CIMAP2: variants seen among roughly 807,000 people sequenced by gnomAD.
CIMAP2 encodes ciliary microtubule associated protein 2.
At chr1:54,807,434 C>T in the CIMAP2 span, 2 of 1,402,474 alleles carry the variant, frequency 1.4e-6, no homozygotes, top group South Asian at 1.5e-5. Context: ...TACTCCCTTC[C>T]TCCGGGTCAG....
the CIMAP2 span, chr1:54,811,769 C>CGGGGGTGGGGG: frequency 2.0e-6 from 1 of 510,026 alleles, no homozygotes; most frequent in Non-Finnish European, 3.9e-6. Flanking sequence ...CTGACAGCCT[C>CGGGGGTGGGGG]CATGCCCCCA....
the CIMAP2 span, among the ~76,000 whole-genome samples, chr1:54,825,401 C>T: frequency 4.6e-5 from 7 of 151,964 alleles, no homozygotes; most frequent in Admixed American, 3.9e-4. Context: ...GGGTATGGTA[C>T]TTTGGCTTTG....
the CIMAP2 span, chr1:54,807,088 G>A: frequency 3.7e-6 from 6 of 1,610,870 alleles, no homozygotes; most frequent in Middle Eastern, 1.6e-4. Context: ...CAAGTGGTGA[G>A]TTTGCACAGC....
At chr1:54,819,824 C>CTTTCTTTCTTTCTTTCTTTCTT in the CIMAP2 span, among the ~76,000 whole-genome samples, 1 of 100,210 alleles carries the variant, frequency 1.0e-5, no homozygotes, top group African/African-American at 3.8e-5. Flanking sequence ...TTCTTTCTTT[C>CTTTCTTTCTTTCTTTCTTTCTT]TCTTTCTTTC....
the CIMAP2 span, among the ~76,000 whole-genome samples, chr1:54,824,577 TTTC>T: frequency 2.6e-5 from 4 of 152,132 alleles, no homozygotes; most frequent in African/African-American, 7.2e-5. Flanking sequence ...TGTAATTTTT[TTTC>T]TTCTTTTTTC....
the CIMAP2 span, chr1:54,816,994 A>G: frequency 2.5e-6 from 4 of 1,614,176 alleles, no homozygotes; most frequent in Non-Finnish European, 3.4e-6. Flanking sequence ...TGCAGAACCC[A>G]GTAGGTGTGG....
the CIMAP2 span, among the ~76,000 whole-genome samples, chr1:54,810,057 T>C: frequency 6.6e-6 from 1 of 152,134 alleles, no homozygotes; most frequent in Admixed American, 6.5e-5. Flanking sequence ...CTGAAGGTTT[T>C]AAGGAAGAAA....
At chr1:54,831,650 T>A in the CIMAP2 span, among the ~76,000 whole-genome samples, 6 of 145,404 alleles carry the variant, frequency 4.1e-5, no homozygotes, top group African/African-American at 1.5e-4. Flanking sequence ...CGAAACTCCA[T>A]CTCAAAAAAA....
the CIMAP2 span, among the ~76,000 whole-genome samples, chr1:54,840,969 T>C: frequency 6.6e-6 from 1 of 152,168 alleles, no homozygotes; most frequent in Non-Finnish European, 1.5e-5. Flanking sequence ...GTTGCGGGGA[T>C]AGAGACAGGG....
chr1:54,807,980 CTG>C, the CIMAP2 span: 1 of 1,596,804 alleles, frequency 6.3e-7, no homozygotes, highest in Non-Finnish European at 8.5e-7. Flanking sequence ...CTGCTCAGCT[CTG>C]GGGAGGTTCG....
At chr1:54,823,034 A>G in the CIMAP2 span, among the ~76,000 whole-genome samples, 82 of 152,294 alleles carry the variant, frequency 5.4e-4, no homozygotes, top group African/African-American at 2.0e-3. Flanking sequence ...TGATGAGAAG[A>G]ATGTGTATTC....
the CIMAP2 span, among the ~76,000 whole-genome samples, chr1:54,826,355 G>T: frequency 6.6e-6 from 1 of 152,180 alleles, no homozygotes; most frequent in African/African-American, 2.4e-5. Flanking sequence ...ACACTGCATG[G>T]GCTAGAATGC....
At chr1:54,842,125 A>G in the CIMAP2 span, 5 of 560,412 alleles carry the variant, frequency 8.9e-6, no homozygotes, top group Non-Finnish European at 1.6e-5. Flanking sequence ...CAACTCAGCC[A>G]GTGACATGAA....
the CIMAP2 span, among the ~76,000 whole-genome samples, chr1:54,813,040 C>T: frequency 6.6e-6 from 1 of 152,332 alleles, no homozygotes; most frequent in South Asian, 2.1e-4. Flanking sequence ...TCCCCATGAC[C>T]AGCTATGGCA....
At chr1:54,829,239 C>T in the CIMAP2 span, among the ~76,000 whole-genome samples, 2 of 152,088 alleles carry the variant, frequency 1.3e-5, no homozygotes, top group Non-Finnish European at 2.9e-5. Flanking sequence ...CCTTTTAGAC[C>T]CATCTCCAAC....
At chr1:54,808,502 G>C in the CIMAP2 span, among the ~76,000 whole-genome samples, 1 of 152,070 alleles carries the variant, frequency 6.6e-6, no homozygotes, top group African/African-American at 2.4e-5. Context: ...TGTGGCCAGA[G>C]GGCACTGGCC....
At chr1:54,834,458 C>G in the CIMAP2 span, among the ~76,000 whole-genome samples, 1 of 152,108 alleles carries the variant, frequency 6.6e-6, no homozygotes, top group Non-Finnish European at 1.5e-5. Flanking sequence ...GTTTCTTTCC[C>G]TGGTATTTTA....
the CIMAP2 span, chr1:54,807,060 T>G: frequency 6.2e-7 from 1 of 1,614,032 alleles, no homozygotes; most frequent in Non-Finnish European, 8.5e-7. Flanking sequence ...GGCCCCATAC[T>G]CCACGCGTTA....
At chr1:54,810,265 A>G in the CIMAP2 span, among the ~76,000 whole-genome samples, 40 of 152,110 alleles carry the variant, frequency 2.6e-4, no homozygotes, top group Admixed American at 2.0e-3. Flanking sequence ...TTGGAGTTGA[A>G]ACTCTCATGC....
Sources: gnomAD v4.1 joint callset for allele counts (sites outside exome capture counted in the v4.1 genomes callset) on GRCh38, gnomAD v4.1.1 for gene constraint, MANE v1.5 for transcripts, NCBI Gene and HGNC (gene_info 2026-07-23, HGNC 2026-07-21) for gene names.